The following RALGPS1 variants were observed in gnomAD, a reference collection of about 807,000 sequenced individuals.
RALGPS1 encodes ras-specific guanine nucleotide-releasing factor RalGPS1.
Under a neutral mutation model 78.8 loss-of-function variants are expected in RALGPS1, and 19 were observed. That is an observed-to-expected ratio of 0.24 (90% confidence interval 0.17 to 0.35). The LOEUF (loss-of-function observed/expected upper bound fraction) is 0.35. RALGPS1 is among the 10% of genes least tolerant of loss of function. The probability of loss-of-function intolerance (pLI) is 1.00; values close to 1 mark genes in which losing one functional copy is unlikely to be tolerated. For synonymous variants in RALGPS1, 228 were observed against 256.3 expected (o/e 0.89, Z 1.06); for missense variants, 454 against 688.3 (o/e 0.66, Z 3.81).
chr9:126,958,145 A>ATG (rs2038537289), intron 1 of RALGPS1, among the ~76,000 whole-genome samples: 3 of 112,538 alleles, frequency 2.7e-5, no homozygotes, highest in African/African-American at 8.3e-5. Flanking sequence ...AAAAAAAAAT[A>ATG]TATATATATA....
chr9:127,012,019 C>T (rs995007043), intron 4 of RALGPS1, among the ~76,000 whole-genome samples: 5 of 152,192 alleles, frequency 3.3e-5, no homozygotes, highest in East Asian at 1.9e-4. Flanking sequence ...TCCGACTAGA[C>T]GGGCAGACAG....
rs2062690631 is a variant in RALGPS1, at chr9:127,218,540, T to C, written c.1645-200T>C. 6.6e-6 allele frequency among the ~76,000 whole-genome samples: 1 copy of C among 152,172 alleles called. No individual in the cohort carries two copies. The stretch of plus-strand genomic sequence containing the variant: ...AGTGAGGACTCAAGAACGCAGTGCA[T>C]GCGGTGGATTCAGAGCAGTGCCTGG... On this transcript the variant is annotated intron_variant, in intron 18 of 18. Transcript: ENST00000259351. The surrounding 1 kb of genome is among the most constrained non-coding windows in gnomAD (Gnocchi z 4.4).
rs1390603263 is a variant in RALGPS1, at chr9:127,212,916, C to T, written c.1447-28C>T. 1 of 1,613,822 alleles carries T rather than the reference C, an allele frequency of 6.2e-7. No homozygotes were observed. The highest frequency in any genetic ancestry group is 1.7e-5 in the Admixed American group (1 of 59,986). ...GTGGAGTGGAGGGCTGGGCCCCGGT[C>T]TCCGGATGTGTTGTTGCTCTCCTCC... On this transcript the variant is annotated intron_variant, in intron 16 of 18. Coordinates refer to ENST00000259351, the MANE Select transcript of RALGPS1 (RefSeq NM_014636.3). This position sits in a 1 kb window ranked among gnomAD's most constrained non-coding sequence, Gnocchi z 6.0.
At chr9:127,213,277 C>A (rs539408250) in intron 17 of RALGPS1, among the ~76,000 whole-genome samples, 1 of 152,202 alleles carries the variant, frequency 6.6e-6, no homozygotes, top group South Asian at 2.1e-4. Context: ...CTTTTTGCAG[C>A]CTTACCTATG....
At chr9:127,191,290 C>G (rs763416481) in intron 11 of RALGPS1, among the ~76,000 whole-genome samples, 6 of 152,026 alleles carry the variant, frequency 3.9e-5, no homozygotes, top group Non-Finnish European at 7.4e-5. Context: ...TTTTTTCTTT[C>G]TTCCCTTTCC....
At chr9:127,140,784 G>A (rs1186098584) in intron 8 of RALGPS1, among the ~76,000 whole-genome samples, 1 of 152,194 alleles carries the variant, frequency 6.6e-6, no homozygotes, top group Non-Finnish European at 1.5e-5. Context: ...ACACAGAACA[G>A]CATGGGGCAG....
At chr9:126,949,656 G>A (rs931077232) in intron 1 of RALGPS1, among the ~76,000 whole-genome samples, 1 of 126,460 alleles carries the variant, frequency 7.9e-6, no homozygotes, top group Non-Finnish European at 1.9e-5. Flanking sequence ...TTTTTGATGG[G>A]GTTGTTTGTT....
chr9:127,202,219 A>AG (rs2061672227), intron 14 of RALGPS1, among the ~76,000 whole-genome samples: 1 of 152,190 alleles, frequency 6.6e-6, no homozygotes, highest in Non-Finnish European at 1.5e-5. Context: ...TGGTGGGTTG[A>AG]GGGCACACCT....
chr9:126,924,916 G>A lies in RALGPS1; in HGVS notation c.-66+9941G>A, dbSNP rs1023335807. Among the ~76,000 whole-genome samples the A allele has an allele frequency of 3.3e-5, 5 of 151,310 alleles. No individual in the cohort carries two copies. In the East Asian group the frequency reaches 7.9e-4, roughly 24 times the overall value. On this transcript the variant is annotated intron_variant, in intron 1 of 18. Transcript: ENST00000259351. ...CGAGGCGGGTGGATCACCTGAGGTC[G>A]GGAGTTCAAGACTAGCCTGACCAAC...
intron 1 of RALGPS1, among the ~76,000 whole-genome samples, chr9:126,957,828 GT>G (rs1331312819): frequency 6.6e-6 from 1 of 151,836 alleles, no homozygotes; most frequent in African/African-American, 2.4e-5. Flanking sequence ...ATTCCTCAAA[GT>G]TTTTTGCTTA....
intron 8 of RALGPS1, among the ~76,000 whole-genome samples, chr9:127,105,834 T>C (rs147649002): frequency 2.6e-4 from 40 of 152,324 alleles, no homozygotes; most frequent in African/African-American, 8.2e-4. Context: ...GGGACCACAA[T>C]TGTCACCTAC....
intron 1 of RALGPS1, among the ~76,000 whole-genome samples, chr9:126,932,890 A>G (rs1056237368): frequency 5.9e-5 from 9 of 152,220 alleles, no homozygotes; most frequent in Admixed American, 4.6e-4. Flanking sequence ...GCTTGCCACC[A>G]CAAGAGCGGG....
chr9:126,927,117 G>A (rs567521911), intron 1 of RALGPS1, among the ~76,000 whole-genome samples: 2 of 152,178 alleles, frequency 1.3e-5, no homozygotes, highest in South Asian at 4.1e-4. Context: ...GTCCTCTGTA[G>A]TGTTTGCGGG....
At chr9:126,967,770 T>C (rs1055801835) in intron 3 of RALGPS1, among the ~76,000 whole-genome samples, 1 of 152,074 alleles carries the variant, frequency 6.6e-6, no homozygotes, top group Non-Finnish European at 1.5e-5. Context: ...ATTCTTGGAC[T>C]CAAGTGATCC....
At chr9:127,069,034 G>A (rs1272336460) in intron 7 of RALGPS1, among the ~76,000 whole-genome samples, 196 bp from the exon 8 acceptor site, 1 of 152,106 alleles carries the variant, frequency 6.6e-6, no homozygotes, top group Admixed American at 6.5e-5. Flanking sequence ...CAGTGTCCAA[G>A]CCCCACCTCT....
chr9:127,089,130 C>T, intron 8 of RALGPS1: 1 of 1,614,140 alleles, frequency 6.2e-7, no homozygotes, highest in Middle Eastern at 1.7e-4. Context: ...TGGTAGTGGG[C>T]ACAGTTTCCT....
chr9:127,152,572 A>G (rs966795926), intron 8 of RALGPS1, among the ~76,000 whole-genome samples: 1 of 152,210 alleles, frequency 6.6e-6, no homozygotes, highest in East Asian at 1.9e-4. Flanking sequence ...TCTTGGGAAA[A>G]GCCCCAGGAG....
At chr9:126,926,149 T>C (rs2035259888) in intron 1 of RALGPS1, among the ~76,000 whole-genome samples, 1 of 152,240 alleles carries the variant, frequency 6.6e-6, no homozygotes, top group Non-Finnish European at 1.5e-5. Flanking sequence ...TTTATTGCTT[T>C]AGAGATTGGT....
At chr9:127,037,400 A>G (rs17446684) in intron 5 of RALGPS1, among the ~76,000 whole-genome samples, 58,103 of 152,162 alleles carry the variant, frequency 0.38, 12,786 homozygotes, top group Non-Finnish European at 0.48. Flanking sequence ...TTTTCCATTC[A>G]TGGAGATTGG....
Sources: gnomAD v4.1 joint callset for allele counts (sites outside exome capture counted in the v4.1 genomes callset) on GRCh38, gnomAD v4.1.1 for gene constraint, Gnocchi (gnomAD v3.1) non-coding constraint, MANE v1.5 for transcripts, NCBI Gene and HGNC (gene_info 2026-07-23, HGNC 2026-07-21) for gene names.